WSCD1: variants seen among roughly 807,000 people sequenced by gnomAD.
WSCD1 encodes WSC domain sialate O sulfotransferase 1, also known as sialate:O-sulfotransferase 1.
Under a neutral mutation model 60.4 loss-of-function variants are expected in WSCD1, and 41 were observed. The observed-to-expected ratio is 0.68, with a 90% confidence interval of 0.53 to 0.88. The LOEUF (loss-of-function observed/expected upper bound fraction) is 0.88. Among genes scored for constraint, WSCD1 ranks in the 40% least tolerant of loss-of-function variants. The pLI is 0.00. For synonymous variants in WSCD1, 361 were observed against 332.5 expected (o/e 1.09, Z -0.93); for missense variants, 784 against 796.2 (o/e 0.98, Z 0.18).
At chr17:6,119,060 C>G (rs1038008859) in intron 8 of WSCD1, among the ~76,000 whole-genome samples, 1 of 152,214 alleles carries the variant, frequency 6.6e-6, no homozygotes, top group South Asian at 2.1e-4. Context: ...TCTCTGGTGA[C>G]TCTTCTGATA....
upstream of WSCD1, chr17:6,069,390 CGTGTGTGTGTGTGTGTGTGT>C (rs771018197): frequency 6.0e-6 from 2 of 335,682 alleles, no homozygotes; most frequent in South Asian, 1.8e-4. Context: ...CACCTCGGTG[CGTGTGTGTGTGTGTGTGTGT>C]GTGTGTGTGT....
At chr17:6,120,255 GCAGCCCTGGCAGGGC>G in intron 8 of WSCD1, 39 bp from the exon 9 acceptor site, 1 of 1,569,674 alleles carries the variant, frequency 6.4e-7, no homozygotes, top group Non-Finnish European at 8.7e-7. Context: ...CCGGGGACCG[GCAGCCCTGGCAGGGC>G]CAGCCCCCGA....
chr17:6,096,272 G>T (rs974386612), intron 5 of WSCD1, among the ~76,000 whole-genome samples: 1 of 152,148 alleles, frequency 6.6e-6, no homozygotes, highest in African/African-American at 2.4e-5. Context: ...TTGAACTCAG[G>T]TAGCTCCATA....
Position 6,080,978 on chromosome 17 carries a change from C to G in WSCD1, c.320C>G (p.Ser107Trp), listed in dbSNP as rs759999130. The G allele has an allele frequency of 5.8e-6, 9 of 1,550,886 alleles. No homozygotes were observed. The highest frequency in any genetic ancestry group is 7.0e-6 in the Non-Finnish European group (8 of 1,150,868). Residue 107 changes from serine to tryptophan, a missense_variant, in exon 2 of 9, where the codon TCG (serine) becomes TGG (tryptophan). Coordinates refer to ENST00000317744, the MANE Select transcript of WSCD1 (RefSeq NM_015253.2). The surrounding 1 kb of genome is among the most constrained non-coding windows in gnomAD (Gnocchi z 6.6). The stretch of plus-strand genomic sequence containing the variant: ...CCCCGCTGGCTCCGGAGCCGCAACT[C>G]GGAGCTGCGTCAGTTGCGTCGCCGC... ...PGPRWLRSRN[S>W]ELRQLRRRWF...
chr17:6,086,889 G>C (rs1909687328), intron 2 of WSCD1, among the ~76,000 whole-genome samples: 1 of 152,176 alleles, frequency 6.6e-6, no homozygotes, highest in Admixed American at 6.5e-5. Context: ...AAAGCCGCTT[G>C]GGAGCCACTG....
intron 3 of WSCD1, among the ~76,000 whole-genome samples, chr17:6,088,548 G>A (rs1597356356): frequency 6.6e-6 from 1 of 152,302 alleles, no homozygotes; most frequent in South Asian, 2.1e-4. Flanking sequence ...GCTCTGGTAG[G>A]AAAAGTATTT....
At chr17:6,099,188 A>C (rs1472187849) in intron 5 of WSCD1, among the ~76,000 whole-genome samples, 1 of 152,070 alleles carries the variant, frequency 6.6e-6, no homozygotes, top group Non-Finnish European at 1.5e-5. Context: ...TGTAATAAGA[A>C]ACAACCCCCA....
At chr17:6,091,932 G>A (rs372766491) in intron 4 of WSCD1, among the ~76,000 whole-genome samples, 1 of 152,134 alleles carries the variant, frequency 6.6e-6, no homozygotes, top group African/African-American at 2.4e-5. Flanking sequence ...CAAGGCGGGC[G>A]AATCATGAGG....
At chr17:6,114,637 A>C (rs1911597681) in intron 7 of WSCD1, among the ~76,000 whole-genome samples, 1 of 152,046 alleles carries the variant, frequency 6.6e-6, no homozygotes. Flanking sequence ...TACACTTATC[A>C]TGCATCAGTT....
At chr17:6,099,165 G>A (rs564684885) in intron 5 of WSCD1, among the ~76,000 whole-genome samples, 8 of 152,226 alleles carry the variant, frequency 5.3e-5, no homozygotes, top group African/African-American at 1.4e-4. Context: ...AAGGTTCTGG[G>A]TGGAAATTTT....
At chr17:6,079,575 G>A (rs1259213992) in intron 1 of WSCD1, among the ~76,000 whole-genome samples, 1 of 152,160 alleles carries the variant, frequency 6.6e-6, no homozygotes, top group African/African-American at 2.4e-5. Context: ...GCGCTACCCT[G>A]GTCCTTTGAT....
chr17:6,073,124 C>A (rs1476720736), intron 1 of WSCD1, among the ~76,000 whole-genome samples: 1 of 152,156 alleles, frequency 6.6e-6, no homozygotes. Flanking sequence ...GCCTCTCTCC[C>A]ATAGCCCGAG....
At chr17:6,115,577 T>C (rs1409439618) in intron 7 of WSCD1, among the ~76,000 whole-genome samples, 2 of 152,242 alleles carry the variant, frequency 1.3e-5, no homozygotes, top group Middle Eastern at 3.4e-3. Context: ...TTTCTTTCCT[T>C]TTTTCTTTTC....
rs141734764 is a variant in WSCD1 at position 6,102,364 on chromosome 17, C to T, written c.849+7141C>T. Among the ~76,000 whole-genome samples the T allele has an allele frequency of 3.3e-3, 495 of 152,302 alleles. 3 individuals carry two copies. Among genetic ancestry groups the T allele is most frequent in the Admixed American group, 6.8e-3 (104 of 15,298 alleles). The stretch of plus-strand genomic sequence containing the variant: ...TTCATGTCTTTGCCAATGGTTGGGT[C>T]TGTAAGAGTCTGGGTTTTGTGAGCC... On this transcript the variant is annotated intron_variant, in intron 5 of 8. Transcript: ENST00000317744.
In WSCD1 at chr17:6,101,066, C is replaced by G. The variant is rs997525174; in HGVS notation, c.849+5843C>G. Among the ~76,000 whole-genome samples, 1 of 152,086 alleles carries G rather than the reference C, an allele frequency of 6.6e-6. No homozygotes were observed. The highest frequency in any genetic ancestry group is 1.5e-5 in the Non-Finnish European group (1 of 68,034). Reference sequence around the variant, plus strand: ...CTTCCCTCCTGAATGTTGAGGGTGGCGAGAGAGGTGAATCTGGGGATGTCT... The same window carrying G: ...CTTCCCTCCTGAATGTTGAGGGTGGGGAGAGAGGTGAATCTGGGGATGTCT... On this transcript the variant is annotated intron_variant, in intron 5 of 8. Transcript: ENST00000317744. The surrounding 1 kb of genome is among the most constrained non-coding windows in gnomAD (Gnocchi z 4.1).
rs181151562 is a variant in WSCD1 at position 6,091,165 on chromosome 17, A to T, written c.727+660A>T. Among the ~76,000 whole-genome samples the T allele has an allele frequency of 3.1e-3, 477 of 152,330 alleles. 3 individuals are homozygous for T. Among genetic ancestry groups the T allele is most frequent in the Non-Finnish European group, 5.7e-3 (391 of 68,038 alleles). ...TGTCTCGGCCTCCCAGAGTGCTGGG[A>T]TTACAGGCGTGAGCCACGCACCCAT... On this transcript the variant is annotated intron_variant, in intron 4 of 8. Coordinates refer to ENST00000317744, the MANE Select transcript of WSCD1 (RefSeq NM_015253.2).
chr17:6,114,953 G>C (rs531579319), intron 7 of WSCD1, among the ~76,000 whole-genome samples: 1 of 151,744 alleles, frequency 6.6e-6, no homozygotes, highest in Admixed American at 6.6e-5. Flanking sequence ...TTGGTTTTCT[G>C]TTGCTGTGTT....
intron 1 of WSCD1, among the ~76,000 whole-genome samples, chr17:6,076,917 A>G (rs1908897312): frequency 6.6e-6 from 1 of 152,032 alleles, no homozygotes; most frequent in South Asian, 2.1e-4. Flanking sequence ...ATTTACCATC[A>G]CTGCCCTGCT....
intron 3 of WSCD1, among the ~76,000 whole-genome samples, chr17:6,089,076 C>T (rs566709384): frequency 6.6e-6 from 1 of 152,344 alleles, no homozygotes; most frequent in South Asian, 2.1e-4. Context: ...GCCACCACAC[C>T]CGGCCTCACC....
Sources: allele counts gnomAD v4.1 joint callset (sites outside exome capture counted in the v4.1 genomes callset), GRCh38; gene constraint gnomAD v4.1.1; non-coding constraint Gnocchi (gnomAD v3.1); transcripts MANE v1.5; gene names NCBI Gene and HGNC (gene_info 2026-07-23, HGNC 2026-07-21).